The following NCBP3 variants were observed in gnomAD, a reference collection of about 807,000 sequenced individuals.
NCBP3 encodes nuclear cap-binding protein subunit 3.
NCBP3 carries 20 observed loss-of-function variants against 75.7 expected under a neutral mutation model. The observed-to-expected ratio is 0.26, with a 90% CI of 0.19 to 0.38. The LOEUF (loss-of-function observed/expected upper bound fraction) is 0.38, where lower values mean the gene tolerates loss of function less well. NCBP3 is among the 10% of genes least tolerant of loss of function. NCBP3 has a pLI of 1.00. For missense variants in NCBP3, 678 were observed against 796.9 expected, an observed-to-expected ratio of 0.85 and a Z score of 1.80; for synonymous variants, 293 against 290.5, an observed-to-expected ratio of 1.01 and a Z score of -0.09.
Position 3,816,221 on chromosome 17 carries a change from T to C in NCBP3, c.1360A>G (p.Ile454Val). 1 of 1,614,130 alleles carries C rather than the reference T, an allele frequency of 6.2e-7. No individual in the cohort carries two copies. The highest frequency in any genetic ancestry group is 1.1e-5 in the South Asian group (1 of 91,076). ...TTCTCAGGTGGTAATTTGTTACCAATTCGGTTTTTGATATTGCTTGAAGAT... is the reference window on the plus strand; with the variant it reads ...TTCTCAGGTGGTAATTTGTTACCAACTCGGTTTTTGATATTGCTTGAAGAT... ...SVSSSNIKNR[I>V]GNKLPPEKFA... is the part of the protein sequence containing the mutation. The change falls in exon 11 of 13, where the codon ATT (isoleucine) becomes GTT (valine). Residue 454 changes from isoleucine to valine, a missense_variant. By Grantham distance (29) the Ile-to-Val change is conservative. This residue lies in a region of NCBP3 where 365 missense variants were observed against 392.7 expected (regional missense o/e 0.93). Coordinates refer to ENST00000389005, the MANE Select transcript of NCBP3 (RefSeq NM_001114118.3).
intron 2 of NCBP3, among the ~76,000 whole-genome samples, chr17:3,841,203 T>A (rs1004750782): frequency 3.2e-4 from 49 of 152,050 alleles, no homozygotes; most frequent in Non-Finnish European, 6.6e-4. Flanking sequence ...TCTCGATCTC[T>A]TGACCTCGTG....
Position 3,824,545 on chromosome 17 carries a change from C to G in NCBP3, c.796+397G>C, listed in dbSNP as rs2053747927. 3.1e-5 allele frequency: 5 copies of G among 163,526 alleles called. No homozygotes were observed. In the Admixed American group the frequency reaches 3.1e-4, roughly 10 times the overall value. The allele number at this position is 163,526 out of a possible 1,614,324, so 10.1% of individuals were successfully genotyped here. A position where few individuals can be genotyped will look rare whatever the true frequency, so the allele number is the denominator to read the frequency against. On this transcript the variant is annotated intron_variant, in intron 7 of 12. Coordinates refer to ENST00000389005, the MANE Select transcript of NCBP3 (RefSeq NM_001114118.3). ...TACACACACATTTTTAAATGCCCAC[C>G]AAAAGTCACCATGTGTAAACAATCT...
chr17:3,833,138 A>G (rs2143694305), intron 3 of NCBP3, among the ~76,000 whole-genome samples: 1 of 152,192 alleles, frequency 6.6e-6, no homozygotes, highest in Middle Eastern at 3.4e-3. Context: ...CTATAGTCCC[A>G]GGTACTCAGG....
At chr17:3,815,790 T>C (rs1355754412) in intron 11 of NCBP3, among the ~76,000 whole-genome samples, 3 of 152,190 alleles carry the variant, frequency 2.0e-5, no homozygotes, top group Non-Finnish European at 1.5e-5. Flanking sequence ...TATATGCAGA[T>C]AATATGTCAC....
rs527298399 is a variant in NCBP3 at position 3,832,126 on chromosome 17, G to A, written c.356-2758C>T. On this transcript the variant is annotated intron_variant, in intron 3 of 12. Transcript: ENST00000389005. Reference sequence around the variant, plus strand: ...TCGAACCTGGGAGGCAGAGGTTGCAGTAAGCCGAGATTGTGCCATTGCACT... The same window carrying A: ...TCGAACCTGGGAGGCAGAGGTTGCAATAAGCCGAGATTGTGCCATTGCACT... Among the ~76,000 whole-genome samples the A allele has an allele frequency of 7.4e-5, 8 of 107,768 alleles. 2 individuals carry two copies. Among genetic ancestry groups the A allele is most frequent in the Non-Finnish European group, 1.3e-4 (6 of 45,538 alleles). The allele number at this position is 107,768 out of a possible 152,430, so 70.7% of individuals were successfully genotyped here. A position where few individuals can be genotyped will look rare whatever the true frequency, so the allele number is the denominator to read the frequency against.
Position 3,806,081 on chromosome 17 carries a change from CCTTT to C in NCBP3, c.*6959_*6962del, listed in dbSNP as rs2053333070. 6.6e-6 allele frequency: 1 copy of C among 151,356 alleles called. No individual in the cohort carries two copies. The highest frequency in any genetic ancestry group is 1.5e-5 in the Non-Finnish European group (1 of 68,194). 9.4% of individuals were successfully genotyped at this position (151,356 alleles called of 1,614,324 possible). On this transcript the variant is annotated 3_prime_UTR_variant, in exon 13 of 13. Coordinates refer to ENST00000389005, the MANE Select transcript of NCBP3 (RefSeq NM_001114118.3). ...TAGGAAGGGACAGGAAGGTGAGAATCCTTTCTTTTTTTTTTGAGACGGAGTCTCG... is the reference window on the plus strand; with the variant it reads ...TAGGAAGGGACAGGAAGGTGAGAATCCTTTTTTTTTTGAGACGGAGTCTCG...
chr17:3,829,965 G>T (rs577041052), intron 3 of NCBP3, among the ~76,000 whole-genome samples: 1 of 152,198 alleles, frequency 6.6e-6, no homozygotes, highest in South Asian at 2.1e-4. Context: ...ACATGCACAT[G>T]AAAACAAGAA....
chr17:3,846,186 G>A lies in NCBP3; in HGVS notation c.38C>T (p.Ala13Val), dbSNP rs912812732. ...AVRGLRVSVK[A>V]EAPAGPALGL... ...CAGGGCCGGCCCCGCCGGGGCCTCC[G>A]CCTTCACCGACACCCGCAGGCCCCG... is the stretch of plus-strand genomic sequence containing the variant. Residue 13 changes from alanine to valine, a missense_variant, in exon 1 of 13, where the codon GCG becomes GTG. Physicochemically the swap from Ala to Val is moderately conservative, Grantham distance 64 (BLOSUM62 0). This residue lies in a region of NCBP3 where 76 missense variants were observed against 53.8 expected (regional missense o/e 1.41). Coordinates refer to ENST00000389005, the MANE Select transcript of NCBP3 (RefSeq NM_001114118.3). This position sits in a 1 kb window ranked among gnomAD's most constrained non-coding sequence, Gnocchi z 4.6. 11 of 1,513,176 alleles carry A rather than the reference G, an allele frequency of 7.3e-6. No homozygotes were observed. Among genetic ancestry groups the A allele is most frequent in the Non-Finnish European group, 9.7e-6 (11 of 1,131,830 alleles). The allele number at this position is 1,513,176 out of a possible 1,614,324, so 93.7% of individuals were successfully genotyped here. A position where few individuals can be genotyped will look rare whatever the true frequency, so the allele number is the denominator to read the frequency against.
At chr17:3,816,077 G>C (rs1728728823) in intron 11 of NCBP3, 39 bp downstream of exon 11, 1 of 1,591,140 alleles carries the variant, frequency 6.3e-7, no homozygotes, top group Non-Finnish European at 8.6e-7. Context: ...GCTTTCCGGA[G>C]CTCAGAATCC....
In NCBP3 at chr17:3,802,265, GA is replaced by G. The variant is rs1235962579; in HGVS notation, c.*10778del. ...TGCAGCCCCATTCGCTTTGAGATGT[GA>G]ATGTGTTAACCCAGGGTGGACAATG... On this transcript the variant is annotated 3_prime_UTR_variant, in exon 13 of 13. Transcript: ENST00000389005. The G allele has an allele frequency of 1.3e-5, 2 of 152,116 alleles. No homozygotes were observed. Among genetic ancestry groups the G allele is most frequent in the African/African-American group, 4.8e-5 (2 of 41,402 alleles). The allele number at this position is 152,116 out of a possible 1,614,324, so 9.4% of individuals were successfully genotyped here.
intron 2 of NCBP3, among the ~76,000 whole-genome samples, chr17:3,842,054 G>A (rs2054073959): frequency 6.6e-6 from 1 of 152,004 alleles, no homozygotes; most frequent in African/African-American, 2.4e-5. Flanking sequence ...AAAATAATAG[G>A]CTTGACTCTA....
intron 10 of NCBP3, among the ~76,000 whole-genome samples, chr17:3,817,342 C>T (rs952172424): frequency 6.6e-6 from 1 of 151,948 alleles, no homozygotes; most frequent in African/African-American, 2.4e-5. Context: ...GATTAAAACC[C>T]TTCTGAGCCC....
Position 3,843,168 on chromosome 17 carries a change from G to A in NCBP3, c.184-17C>T. On this transcript the variant is annotated splice_polypyrimidine_tract_variant and intron_variant, in intron 1 of 12. Transcript: ENST00000389005. ...GCTCGTGTCCTAACACAAAGGGGAA[G>A]GGTGAGAAATTCAGACAGCAATTGA... is the stretch of plus-strand genomic sequence containing the variant. 6.5e-7 allele frequency: 1 copy of A among 1,550,168 alleles called. No individual in the cohort carries two copies. The highest frequency in any genetic ancestry group is 8.7e-7 in the Non-Finnish European group (1 of 1,145,888).
At chr17:3,815,234 A>T (rs2053507224) in intron 11 of NCBP3, among the ~76,000 whole-genome samples, 1 of 152,196 alleles carries the variant, frequency 6.6e-6, no homozygotes, top group Non-Finnish European at 1.5e-5. Flanking sequence ...TTGTCTTTCT[A>T]AAATAGATGT....
chr17:3,825,673 G>GA (rs1474496363), intron 6 of NCBP3, 94 bp downstream of exon 6: 33 of 885,398 alleles, frequency 3.7e-5, no homozygotes, highest in Admixed American at 2.5e-4. Flanking sequence ...GAAAGCTAGA[G>GA]AAAAAACGTA....
chr17:3,835,951 T>C (rs1478183927), intron 3 of NCBP3, among the ~76,000 whole-genome samples: 1 of 152,196 alleles, frequency 6.6e-6, no homozygotes, highest in Non-Finnish European at 1.5e-5. Flanking sequence ...GCTACTTACA[T>C]AGCTGTGGGA....
At chr17:3,842,185 G>A (rs2054076159) in intron 2 of NCBP3, among the ~76,000 whole-genome samples, 1 of 152,176 alleles carries the variant, frequency 6.6e-6, no homozygotes, top group Non-Finnish European at 1.5e-5. Flanking sequence ...AGCACTTCGG[G>A]AGGCTGAGGC....
At chr17:3,840,994 G>C (rs555346707) in intron 2 of NCBP3, among the ~76,000 whole-genome samples, 1 of 152,180 alleles carries the variant, frequency 6.6e-6, no homozygotes, top group Non-Finnish European at 1.5e-5. Flanking sequence ...GGTTTTGTTT[G>C]TTTTTGTTTT....
At chr17:3,831,068 C>T (rs1389382537) in intron 3 of NCBP3, among the ~76,000 whole-genome samples, 3 of 151,698 alleles carry the variant, frequency 2.0e-5, no homozygotes, top group African/African-American at 4.8e-5. Context: ...TGCGCCACCA[C>T]GCCATGCTAA....
Sources: allele counts gnomAD v4.1 joint callset (sites outside exome capture counted in the v4.1 genomes callset), GRCh38; gene constraint gnomAD v4.1.1; regional missense constraint gnomAD v4.1.1; non-coding constraint Gnocchi (gnomAD v3.1); transcripts MANE v1.5; gene names NCBI Gene and HGNC (gene_info 2026-07-23, HGNC 2026-07-21).